The following FAM210B variants were observed in gnomAD, a reference collection of about 807,000 sequenced individuals.
FAM210B encodes the protein mitochondrial inner membrane scaffold 2, also known as family with sequence similarity 210 member B.
FAM210B carries 11 observed loss-of-function variants against 14.9 expected under a neutral mutation model. That is an observed-to-expected ratio of 0.74 (90% CI 0.46 to 1.22). FAM210B has a LOEUF of 1.22. Ranked by LOEUF, FAM210B falls within the 50% of genes most tolerant of loss-of-function variation. The pLI is 0.00. For missense variants in FAM210B, 229 were observed against 250.1 expected, an observed-to-expected ratio of 0.92 and a Z score of 0.57; for synonymous variants, 113 against 110.2, an observed-to-expected ratio of 1.03 and a Z score of -0.16.
chr20:56,367,689 T>A lies in FAM210B; in HGVS notation c.*1402T>A, dbSNP rs1357823211. On this transcript the variant is annotated 3_prime_UTR_variant, in exon 3 of 3. Transcript: ENST00000371384. ...AAACTGAGACACTGAGGCTTCGTCC[T>A]TATAGTAGTCAGGAGCAGGCGATTG... 5 of 152,216 alleles carry A rather than the reference T, an allele frequency of 3.3e-5. No homozygotes were observed. The highest frequency in any genetic ancestry group is 7.3e-5 in the Non-Finnish European group (5 of 68,086). The allele number at this position is 152,216 out of a possible 1,614,324, so 9.4% of individuals were successfully genotyped here.
In FAM210B at chr20:56,366,439, G is replaced by A. The variant is rs928518495; in HGVS notation, c.*152G>A. 5 of 707,634 alleles carry A rather than the reference G, an allele frequency of 7.1e-6. No individual in the cohort carries two copies. The highest frequency in any genetic ancestry group is 3.6e-5 in the African/African-American group (2 of 55,342). The allele number at this position is 707,634 out of a possible 1,614,324, so 43.8% of individuals were successfully genotyped here. On this transcript the variant is annotated 3_prime_UTR_variant, in exon 3 of 3. Transcript: ENST00000371384. ...GGATAAACTTTGCCAGCAAAAATCA[G>A]GCTTTTGAACAATTTTAATTTTTTG... is the stretch of plus-strand genomic sequence containing the variant.
chr20:56,361,279 G>A (rs1169302762), intron 1 of FAM210B, among the ~76,000 whole-genome samples: 1 of 152,124 alleles, frequency 6.6e-6, no homozygotes, highest in Non-Finnish European at 1.5e-5. Context: ...CCTACTCCCT[G>A]TCTCCCGCCC....
At chr20:56,361,990 A>G (rs1983541293) in intron 1 of FAM210B, among the ~76,000 whole-genome samples, 1 of 152,134 alleles carries the variant, frequency 6.6e-6, no homozygotes, top group Non-Finnish European at 1.5e-5. Context: ...AATATAAAAT[A>G]ATAAAATAAA....
In FAM210B at chr20:56,365,255, G is replaced by C. The variant is rs2146109164; in HGVS notation, c.355G>C (p.Val119Leu). Residue 119 changes from valine (V) to leucine (L), a missense_variant, in exon 2 of 3, where the codon GTG (valine) becomes CTG (leucine). This residue lies in a region of FAM210B where 32 missense variants were observed against 62.2 expected (regional missense o/e 0.51). Transcript: ENST00000371384. Reference protein sequence around the residue: ...LISLGIFYMVVSSGVDMPAIL... With the variant: ...LISLGIFYMVLSSGVDMPAIL... The stretch of plus-strand genomic sequence containing the variant: ...TTCCTTGGGCATATTTTACATGGTT[G>C]TGTCAAGGTAAGATTTTTGACAGTA... 3 of 1,612,218 alleles carry C rather than the reference G, an allele frequency of 1.9e-6. No individual in the cohort carries two copies. Among genetic ancestry groups the C allele is most frequent in the South Asian group, 1.1e-5 (1 of 90,798 alleles).
intron 2 of FAM210B, among the ~76,000 whole-genome samples, chr20:56,365,856 C>G (rs1983623224): frequency 6.6e-6 from 1 of 151,718 alleles, no homozygotes; most frequent in South Asian, 2.1e-4. Flanking sequence ...GCTGCCCAGG[C>G]TGGTCTTGAA....
chr20:56,365,277 A>G lies in FAM210B; in HGVS notation c.362+15A>G. 6.2e-7 allele frequency: 1 copy of G among 1,604,386 alleles called. No homozygotes were observed. The highest frequency in any genetic ancestry group is 8.5e-7 in the Non-Finnish European group (1 of 1,174,982). On this transcript the variant is annotated intron_variant, in intron 2 of 2. Transcript: ENST00000371384. ...GTTGTGTCAAGGTAAGATTTTTGAC[A>G]GTAATTAATATTTGTTTTTTACTGT...
Position 56,366,395 on chromosome 20 carries a change from C to CATT in FAM210B, c.*108_*109insATT. 2 of 997,330 alleles carry CATT rather than the reference C, an allele frequency of 2.0e-6. No individual in the cohort carries two copies. The highest frequency in any genetic ancestry group is 1.5e-6 in the Non-Finnish European group (1 of 669,486). The allele number at this position is 997,330 out of a possible 1,614,324, so 61.8% of individuals were successfully genotyped here. A position where few individuals can be genotyped will look rare whatever the true frequency, so the allele number is the denominator to read the frequency against. ...GGGTTTCTTTTGGAGAGGTAGGGGG[C>CATT]TAATTGCTATGTTCTCATGGATAAA... On this transcript the variant is annotated 3_prime_UTR_variant, in exon 3 of 3. Transcript: ENST00000371384.
chr20:56,358,992 C>T lies in FAM210B; in HGVS notation c.-14C>T. 1 of 1,263,352 alleles carries T rather than the reference C, an allele frequency of 7.9e-7. No homozygotes were observed. Among genetic ancestry groups the T allele is most frequent in the Non-Finnish European group, 1.0e-6 (1 of 1,001,572 alleles). The allele number at this position is 1,263,352 out of a possible 1,614,324, so 78.3% of individuals were successfully genotyped here. A position where few individuals can be genotyped will look rare whatever the true frequency, so the allele number is the denominator to read the frequency against. On this transcript the variant is annotated 5_prime_UTR_variant, in exon 1 of 3. Transcript: ENST00000371384. The stretch of plus-strand genomic sequence containing the variant: ...CCGGGTCAGCGGCGCGGGTGCTGCG[C>T]CTAGCTGCGCACCATGGCCGGGTTG...
At position 56,365,278 on chromosome 20, in the gene FAM210B, GTAAT is replaced by G; in HGVS notation, c.362+21_362+24del. 1.9e-6 allele frequency: 3 copies of G among 1,603,638 alleles called. No homozygotes were observed. Among genetic ancestry groups the G allele is most frequent in the Non-Finnish European group, 2.6e-6 (3 of 1,174,556 alleles). The stretch of plus-strand genomic sequence containing the variant: ...TTGTGTCAAGGTAAGATTTTTGACA[GTAAT>G]TAATATTTGTTTTTTACTGTCATGT... On this transcript the variant is annotated intron_variant, in intron 2 of 2. Transcript: ENST00000371384.
Position 56,365,213 on chromosome 20 carries a change from A to G in FAM210B, c.313A>G (p.Ile105Val), listed in dbSNP as rs776366938. The change falls in exon 2 of 3, where the codon ATT (isoleucine) becomes GTT (valine). Residue 105 changes from isoleucine to valine, a missense_variant. Ile to Val is a conservative substitution (Grantham distance 29). This residue lies in a region of FAM210B where 32 missense variants were observed against 62.2 expected (regional missense o/e 0.51). Transcript: ENST00000371384. ...TGGCACTGTTGGCGTGTCATTGCACATTGGAATCTCATTAATTTCCTTGGG... is the reference window on the plus strand; with the variant it reads ...TGGCACTGTTGGCGTGTCATTGCACGTTGGAATCTCATTAATTTCCTTGGG... ...EYGTVGVSLH[I>V]GISLISLGIF... 2 of 1,614,108 alleles carry G rather than the reference A, an allele frequency of 1.2e-6. No homozygotes were observed. Among genetic ancestry groups the G allele is most frequent in the Admixed American group, 1.7e-5 (1 of 59,994 alleles).
In FAM210B at chr20:56,359,304, G is replaced by T; in HGVS notation, c.186+113G>T. 4.7e-6 allele frequency: 5 copies of T among 1,070,394 alleles called. No individual in the cohort carries two copies. The highest frequency in any genetic ancestry group is 5.9e-6 in the Non-Finnish European group (5 of 850,796). 66.3% of individuals were successfully genotyped at this position (1,070,394 alleles called of 1,614,324 possible). A position where few individuals can be genotyped will look rare whatever the true frequency, so the allele number is the denominator to read the frequency against. The stretch of plus-strand genomic sequence containing the variant: ...CAAGGACGCCTTTGCACTTGTAGCT[G>T]CCCGGGACCGAGCTCTTCCAGGGTC... On this transcript the variant is annotated intron_variant, in intron 1 of 2. Transcript: ENST00000371384. The surrounding 1 kb of genome is among the most constrained non-coding windows in gnomAD (Gnocchi z 4.3).
chr20:56,364,750 C>A (rs1983595642), intron 1 of FAM210B, among the ~76,000 whole-genome samples: 1 of 152,112 alleles, frequency 6.6e-6, no homozygotes, highest in Non-Finnish European at 1.5e-5. Flanking sequence ...GTCAGGAGAT[C>A]AAGACCAACC....
chr20:56,365,077 T>C lies in FAM210B; in HGVS notation c.187-10T>C, dbSNP rs1983602038. The C allele has an allele frequency of 6.2e-7, 1 of 1,610,368 alleles. No homozygotes were observed. The highest frequency in any genetic ancestry group is 8.5e-7 in the Non-Finnish European group (1 of 1,179,024). On this transcript the variant is annotated splice_polypyrimidine_tract_variant and intron_variant, in intron 1 of 2. Transcript: ENST00000371384. ...CCTAAAGCACCTCCTCTTCTCTGAT[T>C]TGTACACAGGACCCCAGCCAGGCCA...
rs1269622317 is a variant in FAM210B at position 56,359,013 on chromosome 20, G to A, written c.8G>A (p.Gly3Glu). Residue 3 changes from glycine to glutamate, a missense_variant, in exon 1 of 3, where the codon GGG becomes GAG. Coordinates refer to ENST00000371384, the MANE Select transcript of FAM210B (RefSeq NM_080821.3). This position sits in a 1 kb window ranked among gnomAD's most constrained non-coding sequence, Gnocchi z 4.3. The part of the protein sequence containing the change: MA[G>E]LLALLGPAGR... ...TGCGCCTAGCTGCGCACCATGGCCG[G>A]GTTGCTGGCGTTGCTGGGTCCGGCA... The A allele has an allele frequency of 1.5e-6, 2 of 1,324,872 alleles. No individual in the cohort carries two copies. Among genetic ancestry groups the A allele is most frequent in the African/African-American group, 3.1e-5 (2 of 64,634 alleles). The allele number at this position is 1,324,872 out of a possible 1,614,324, so 82.1% of individuals were successfully genotyped here. A position where few individuals can be genotyped will look rare whatever the true frequency, so the allele number is the denominator to read the frequency against.
At position 56,365,172 on chromosome 20, in the gene FAM210B, A is replaced by G; in HGVS notation, c.272A>G (p.Lys91Arg). The stretch of plus-strand genomic sequence containing the variant: ...CAAAGCAAGTCACAGCAACTGAAAA[A>G]GATTTTTCAAGAGTATGGCACTGTT... ...KKQSKSQQLK[K>R]IFQEYGTVGV... The change falls in exon 2 of 3, where the codon AAG becomes AGG. Residue 91 changes from lysine to arginine, a missense_variant. Lys to Arg is a conservative substitution (Grantham distance 26, BLOSUM62 2). This residue lies in a region of FAM210B where 144 missense variants were observed against 132.5 expected (regional missense o/e 1.09). Coordinates refer to ENST00000371384, the MANE Select transcript of FAM210B (RefSeq NM_080821.3). The G allele has an allele frequency of 6.2e-7, 1 of 1,614,190 alleles. No individual in the cohort carries two copies. The highest frequency in any genetic ancestry group is 8.5e-7 in the Non-Finnish European group (1 of 1,180,040).
Position 56,359,318 on chromosome 20 carries a change from T to A in FAM210B, c.186+127T>A. 1 of 960,686 alleles carries A rather than the reference T, an allele frequency of 1.0e-6. No individual in the cohort carries two copies. Among genetic ancestry groups the A allele is most frequent in the Non-Finnish European group, 1.3e-6 (1 of 750,680 alleles). 59.5% of individuals were successfully genotyped at this position (960,686 alleles called of 1,614,324 possible). On this transcript the variant is annotated intron_variant, in intron 1 of 2. Coordinates refer to ENST00000371384, the MANE Select transcript of FAM210B (RefSeq NM_080821.3). The surrounding 1 kb of genome is among the most constrained non-coding windows in gnomAD (Gnocchi z 4.3). ...CACTTGTAGCTGCCCGGGACCGAGC[T>A]CTTCCAGGGTCCCCGAAACCCCAAA...
Position 56,363,772 on chromosome 20 carries a change from A to C in FAM210B, c.187-1315A>C, listed in dbSNP as rs1983577701. The stretch of plus-strand genomic sequence containing the variant: ...AGGGCACTGTGCAAAAATCGCCCCC[A>C]CTTTGTGTGTTTCAGATGTCAGGTG... On this transcript the variant is annotated intron_variant, in intron 1 of 2. Transcript: ENST00000371384. The surrounding 1 kb of genome is among the most constrained non-coding windows in gnomAD (Gnocchi z 4.1). Among the ~76,000 whole-genome samples, 1 of 152,116 alleles carries C rather than the reference A, an allele frequency of 6.6e-6. No homozygotes were observed. The highest frequency in any genetic ancestry group is 2.4e-5 in the African/African-American group (1 of 41,416).
chr20:56,365,804 A>G (rs1283834419), intron 2 of FAM210B, among the ~76,000 whole-genome samples: 2 of 149,684 alleles, frequency 1.3e-5, no homozygotes, highest in Admixed American at 1.3e-4. Context: ...CGTCAGGCCG[A>G]TTGTATGTTT....
chr20:56,361,273 C>G (rs1039796346), intron 1 of FAM210B, among the ~76,000 whole-genome samples: 1 of 152,194 alleles, frequency 6.6e-6, no homozygotes, highest in Non-Finnish European at 1.5e-5. Flanking sequence ...ATTCCTCCTA[C>G]TCCCTGTCTC....
Sources: gnomAD v4.1 joint callset for allele counts (sites outside exome capture counted in the v4.1 genomes callset) on GRCh38, gnomAD v4.1.1 for gene constraint, gnomAD v4.1.1 regional missense constraint, Gnocchi (gnomAD v3.1) non-coding constraint, MANE v1.5 for transcripts, NCBI Gene and HGNC (gene_info 2026-07-23, HGNC 2026-07-21) for gene names.